GPR137C: variants seen among roughly 807,000 people sequenced by gnomAD.
GPR137C encodes G protein-coupled receptor 137C, also known as integral membrane protein GPR137C.
In GPR137C, 27 loss-of-function variants were observed where a neutral mutation model predicts 43.4. The observed-to-expected ratio is 0.62, with a 90% confidence interval of 0.46 to 0.86. GPR137C has a LOEUF of 0.86. GPR137C is among the 40% of genes least tolerant of loss of function. The probability of loss-of-function intolerance (pLI) is 0.00; values close to 1 mark genes in which losing one functional copy is unlikely to be tolerated. For missense variants in GPR137C, 522 were observed against 534.6 expected (o/e 0.98, Z 0.23); for synonymous variants, 285 against 226.9 (o/e 1.26, Z -2.30).
intron 1 of GPR137C, among the ~76,000 whole-genome samples, chr14:52,565,772 ATCT>A (rs944121357): frequency 6.6e-6 from 1 of 152,208 alleles, no homozygotes; most frequent in Non-Finnish European, 1.5e-5. Context: ...TGTCCTTGTA[ATCT>A]TATTATTTTA....
chr14:52,562,131 A>G (rs2038294374), intron 1 of GPR137C, among the ~76,000 whole-genome samples: 1 of 151,922 alleles, frequency 6.6e-6, no homozygotes, highest in African/African-American at 2.4e-5. Flanking sequence ...AACAGGATAA[A>G]TCCAAAGGAG....
chr14:52,628,141 G>A (rs62005398), intron 3 of GPR137C, among the ~76,000 whole-genome samples: 4,405 of 152,260 alleles, frequency 0.029, 97 homozygotes, highest in Non-Finnish European at 0.039. Context: ...TTAAGACAGC[G>A]TGCTACTGAC....
intron 1 of GPR137C, among the ~76,000 whole-genome samples, chr14:52,592,196 G>T (rs1467112137): frequency 2.0e-5 from 3 of 152,034 alleles, no homozygotes; most frequent in Admixed American, 2.0e-4. Context: ...ATCTGTTTTG[G>T]TACCAGTACC....
chr14:52,591,887 G>A (rs1358993634), intron 1 of GPR137C, among the ~76,000 whole-genome samples: 2 of 152,110 alleles, frequency 1.3e-5, no homozygotes, highest in East Asian at 1.9e-4. Context: ...TTTTAGTTAT[G>A]AAGTCTTTGC....
chr14:52,563,601 G>A (rs891591719), intron 1 of GPR137C, among the ~76,000 whole-genome samples: 14 of 152,076 alleles, frequency 9.2e-5, no homozygotes, highest in South Asian at 2.1e-4. Flanking sequence ...CAATGTTTGC[G>A]CCACTGTACT....
chr14:52,591,150 A>T (rs1256591783), intron 1 of GPR137C, among the ~76,000 whole-genome samples: 1 of 152,194 alleles, frequency 6.6e-6, no homozygotes, highest in Non-Finnish European at 1.5e-5. Flanking sequence ...GTCCCTGCAA[A>T]GGACAGGAAC....
intron 1 of GPR137C, among the ~76,000 whole-genome samples, chr14:52,578,877 G>A (rs922865151): frequency 1.3e-5 from 2 of 151,906 alleles, no homozygotes; most frequent in Admixed American, 6.6e-5. Context: ...CTAGGAGGCC[G>A]AGTTTGCAGT....
chr14:52,627,895 A>G (rs2039247709), intron 3 of GPR137C, among the ~76,000 whole-genome samples: 2 of 152,148 alleles, frequency 1.3e-5, no homozygotes, highest in East Asian at 3.8e-4. Flanking sequence ...TTCCTATGGA[A>G]TTTTCTGTGT....
At chr14:52,565,416 C>T (rs1412654800) in intron 1 of GPR137C, among the ~76,000 whole-genome samples, 1 of 152,050 alleles carries the variant, frequency 6.6e-6, no homozygotes, top group African/African-American at 2.4e-5. Flanking sequence ...GTAATTTATA[C>T]CTTATGGAAA....
rs2039351327 is a variant in GPR137C at position 52,636,248 on chromosome 14, A to G, written c.*1133A>G. ...AAGTAAATGTACAAACTAGGTAAGT[A>G]TAAAACCACAGGTTAACAATATTGG... is the stretch of plus-strand genomic sequence containing the variant. On this transcript the variant is annotated 3_prime_UTR_variant, in exon 7 of 7. Coordinates refer to ENST00000321662, the MANE Select transcript of GPR137C (RefSeq NM_001099652.2). The G allele has an allele frequency of 6.6e-6, 1 of 152,128 alleles. No homozygotes were observed. Among genetic ancestry groups the G allele is most frequent in the Non-Finnish European group, 1.5e-5 (1 of 67,982 alleles). 9.4% of individuals were successfully genotyped at this position (152,128 alleles called of 1,614,324 possible). A position where few individuals can be genotyped will look rare whatever the true frequency, so the allele number is the denominator to read the frequency against.
At chr14:52,629,086 G>T (rs1227104398) in intron 3 of GPR137C, among the ~76,000 whole-genome samples, 6 of 152,180 alleles carry the variant, frequency 3.9e-5, no homozygotes, top group Admixed American at 3.9e-4. Flanking sequence ...ACATCTTCCA[G>T]CATGGCTAAA....
At chr14:52,600,479 T>A in intron 3 of GPR137C, 138 bp downstream of exon 3, 1 of 598,278 alleles carries the variant, frequency 1.7e-6, no homozygotes, top group African/African-American at 1.9e-5. Context: ...CTCGCCATAT[T>A]AGTCAGGCTA....
intron 1 of GPR137C, among the ~76,000 whole-genome samples, chr14:52,560,526 A>G (rs187496935): frequency 7.2e-5 from 11 of 152,308 alleles, no homozygotes; most frequent in African/African-American, 2.4e-4. Context: ...AGCTACAGTA[A>G]TCAAGAGAGT....
At chr14:52,569,351 G>T (rs2038428015) in intron 1 of GPR137C, among the ~76,000 whole-genome samples, 1 of 150,598 alleles carries the variant, frequency 6.6e-6, no homozygotes, top group African/African-American at 2.5e-5. Context: ...GTGCAGAAAG[G>T]CTGAAAATTC....
At chr14:52,623,097 A>C (rs1039640454) in intron 3 of GPR137C, among the ~76,000 whole-genome samples, 83 of 152,262 alleles carry the variant, frequency 5.5e-4, no homozygotes, top group African/African-American at 2.0e-3. Context: ...GTTTCCTATC[A>C]GGCGTTGACA....
intron 1 of GPR137C, among the ~76,000 whole-genome samples, chr14:52,576,251 C>T (rs921717797): frequency 1.1e-4 from 16 of 152,312 alleles, no homozygotes; most frequent in Admixed American, 3.3e-4. Context: ...AGTTATTTTA[C>T]TTAGGATAAT....
chr14:52,558,142 A>G (rs1016113899), intron 1 of GPR137C, among the ~76,000 whole-genome samples: 39 of 150,468 alleles, frequency 2.6e-4, no homozygotes, highest in African/African-American at 9.6e-4. Context: ...AATATCACAC[A>G]AATGTGTGTC....
At chr14:52,567,906 C>T (rs1049112002) in intron 1 of GPR137C, among the ~76,000 whole-genome samples, 1 of 152,130 alleles carries the variant, frequency 6.6e-6, no homozygotes, top group Admixed American at 6.6e-5. Flanking sequence ...GATCTGCCCG[C>T]CTGGGTCTCC....
intron 3 of GPR137C, among the ~76,000 whole-genome samples, chr14:52,616,993 T>C (rs2139561383): frequency 6.6e-6 from 1 of 152,366 alleles, no homozygotes; most frequent in African/African-American, 2.4e-5. Context: ...ATATTGTCTA[T>C]ACAGTGTCTC....
Sources: allele counts gnomAD v4.1 joint callset (sites outside exome capture counted in the v4.1 genomes callset), GRCh38; gene constraint gnomAD v4.1.1; transcripts MANE v1.5; gene names NCBI Gene and HGNC (gene_info 2026-07-23, HGNC 2026-07-21).